CATSPERE: variants seen among roughly 807,000 people sequenced by gnomAD.
CATSPERE encodes cation channel sperm-associated auxiliary subunit epsilon.
A neutral mutation model predicts 114.1 loss-of-function variants in CATSPERE; 93 were observed. The observed-to-expected ratio is 0.81, with a 90% CI of 0.69 to 0.97. The LOEUF is 0.97. Among genes scored for constraint, CATSPERE ranks in the 50% least tolerant of loss-of-function variants. CATSPERE has a pLI of 0.00. For synonymous variants in CATSPERE, 341 were observed against 384.1 expected (o/e 0.89, Z 1.31); for missense variants, 1,058 against 1,131.6 (o/e 0.93, Z 0.93).
intron 8 of CATSPERE, among the ~76,000 whole-genome samples, chr1:244,526,363 T>A (rs2148398369): frequency 6.6e-6 from 1 of 151,554 alleles, no homozygotes; most frequent in Non-Finnish European, 1.5e-5. Flanking sequence ...AAGCTATGAT[T>A]GGGCCACTAC....
chr1:244,519,404 G>T (rs984319254), intron 8 of CATSPERE, among the ~76,000 whole-genome samples: 1 of 152,154 alleles, frequency 6.6e-6, no homozygotes, highest in African/African-American at 2.4e-5. Context: ...CAAACAGCAG[G>T]TCCTCAAATA....
intron 4 of CATSPERE, among the ~76,000 whole-genome samples, chr1:244,479,481 G>A (rs939040638): frequency 6.6e-6 from 1 of 152,162 alleles, no homozygotes; most frequent in Non-Finnish European, 1.5e-5. Context: ...AATTACCCCA[G>A]TGAATGAGAA....
chr1:244,507,098 T>TA (rs776259704), intron 7 of CATSPERE, among the ~76,000 whole-genome samples: 1 of 152,212 alleles, frequency 6.6e-6, no homozygotes, highest in South Asian at 2.1e-4. Context: ...TCTTTTTTTT[T>TA]ATAGCTGAAT....
chr1:244,479,606 C>A, intron 4 of CATSPERE, 111 bp from the exon 5 acceptor site: 1 of 498,858 alleles, frequency 2.0e-6, no homozygotes. Flanking sequence ...TATTCTGCTT[C>A]CTCTGATCGT....
upstream of CATSPERE, chr1:244,452,069 G>A (rs954670927): frequency 8.8e-6 from 3 of 340,380 alleles, no homozygotes; most frequent in African/African-American, 6.4e-5. Context: ...AGGCCCTGGT[G>A]GCGGCAACGG....
chr1:244,511,990 G>A (rs1429146489), intron 7 of CATSPERE, among the ~76,000 whole-genome samples: 1 of 152,072 alleles, frequency 6.6e-6, no homozygotes, highest in African/African-American at 2.4e-5. Flanking sequence ...TTACCTTTTG[G>A]CAGTTTGAAA....
chr1:244,564,389 A>T (rs1663085471), intron 10 of CATSPERE, among the ~76,000 whole-genome samples: 1 of 152,122 alleles, frequency 6.6e-6, no homozygotes, highest in African/African-American at 2.4e-5. Context: ...ATGAGCCTGG[A>T]ATGTTTTTCC....
At chr1:244,486,577 G>A (rs1463936453) in intron 5 of CATSPERE, among the ~76,000 whole-genome samples, 2 of 121,064 alleles carry the variant, frequency 1.7e-5, no homozygotes, top group East Asian at 3.1e-4. Context: ...GTAGACCCTC[G>A]TAGTCACCTG....
chr1:244,552,684 T>G lies in CATSPERE; in HGVS notation c.899T>G (p.Leu300Arg). The G allele has an allele frequency of 6.2e-7, 1 of 1,614,224 alleles. No homozygotes were observed. Among genetic ancestry groups the G allele is most frequent in the South Asian group, 1.1e-5 (1 of 91,086 alleles). Residue 300 changes from leucine to arginine, a missense_variant, in exon 9 of 22, where the codon CTT becomes CGT. This residue lies in a region of CATSPERE where 787 missense variants were observed against 905.6 expected (regional missense o/e 0.87). Coordinates refer to ENST00000366534, the MANE Select transcript of CATSPERE (RefSeq NM_001130957.2). ...VILSRDGIVF[L>R]INGVLYIKSF... is the part of the protein sequence containing the mutation. Reference sequence around the variant, plus strand: ...TTATCGCGGGATGGAATCGTTTTTCTTATAAATGGTGTTCTTTACATAAAG... The same window carrying G: ...TTATCGCGGGATGGAATCGTTTTTCGTATAAATGGTGTTCTTTACATAAAG...
At chr1:244,591,782 A>C (rs753518115) in intron 15 of CATSPERE, 51 bp downstream of exon 15, 1 of 1,067,492 alleles carries the variant, frequency 9.4e-7, no homozygotes, top group East Asian at 2.4e-5. Flanking sequence ...CGTAGTACCA[A>C]TACTTTACAA....
chr1:244,597,132 C>CAA (rs1668544119), intron 17 of CATSPERE, among the ~76,000 whole-genome samples: 1 of 152,192 alleles, frequency 6.6e-6, no homozygotes, highest in Non-Finnish European at 1.5e-5. Flanking sequence ...ACTCATCCTA[C>CAA]AAATATACAG....
chr1:244,546,084 G>A (rs569133269), intron 8 of CATSPERE, among the ~76,000 whole-genome samples: 1 of 152,336 alleles, frequency 6.6e-6, no homozygotes, highest in Admixed American at 6.5e-5. Flanking sequence ...TCTCTGGCCT[G>A]CATCACTGCC....
chr1:244,580,220 T>A (rs1021361424), intron 11 of CATSPERE, among the ~76,000 whole-genome samples: 10 of 150,542 alleles, frequency 6.6e-5, no homozygotes, highest in Non-Finnish European at 1.2e-4. Flanking sequence ...TATTTTTTTT[T>A]TTTTTTTTTT....
chr1:244,592,604 C>CT (rs1461364221), intron 15 of CATSPERE, among the ~76,000 whole-genome samples: 1 of 152,106 alleles, frequency 6.6e-6, no homozygotes, highest in Non-Finnish European at 1.5e-5. Flanking sequence ...TAGGCATATT[C>CT]TTTAAGTGAT....
chr1:244,552,373 T>C lies in CATSPERE; in HGVS notation c.588T>C (p.Ile196=). ...PMTKDDALKE[I]RGNQVTFQDC... ...CAAAAGATGATGCACTAAAGGAGAT[T>C]AGAGGAAACCAAGTTACTTTTCAGG... The change falls in exon 9 of 22, where the codon ATT becomes ATC. Residue 196 remains isoleucine, a synonymous_variant. Coordinates refer to ENST00000366534, the MANE Select transcript of CATSPERE (RefSeq NM_001130957.2). 1.2e-6 allele frequency: 2 copies of C among 1,614,082 alleles called. No individual in the cohort carries two copies. Among genetic ancestry groups the C allele is most frequent in the Non-Finnish European group, 1.7e-6 (2 of 1,179,992 alleles).
intron 9 of CATSPERE, among the ~76,000 whole-genome samples, chr1:244,554,587 G>C (rs571988484): frequency 8.5e-5 from 13 of 152,290 alleles, no homozygotes; most frequent in Admixed American, 8.5e-4. Context: ...AGGGTAAAAT[G>C]ATATCTCATT....
At chr1:244,618,419 T>C (rs1327531929) in intron 20 of CATSPERE, among the ~76,000 whole-genome samples, 1 of 152,160 alleles carries the variant, frequency 6.6e-6, no homozygotes, top group Non-Finnish European at 1.5e-5. Context: ...GTGTCTTCAC[T>C]AGGAAAACGG....
chr1:244,499,203 T>C, intron 7 of CATSPERE, 124 bp downstream of exon 7: 2 of 579,796 alleles, frequency 3.4e-6, no homozygotes, highest in South Asian at 2.9e-5. Flanking sequence ...TAAATACATT[T>C]GCATGATCCC....
At chr1:244,474,724 T>C (rs1429664379) in intron 2 of CATSPERE, among the ~76,000 whole-genome samples, 1 of 150,836 alleles carries the variant, frequency 6.6e-6, no homozygotes, top group Non-Finnish European at 1.5e-5. Flanking sequence ...AATCCCTTCT[T>C]TTTTTTCTTC....
Sources: allele counts gnomAD v4.1 joint callset (sites outside exome capture counted in the v4.1 genomes callset), GRCh38; gene constraint gnomAD v4.1.1; regional missense constraint gnomAD v4.1.1; transcripts MANE v1.5; gene names NCBI Gene and HGNC (gene_info 2026-07-23, HGNC 2026-07-21).